ADARB2: variants seen among roughly 807,000 people sequenced by gnomAD.
ADARB2 encodes adenosine deaminase RNA specific B2 (inactive), also known as inactive double-stranded RNA-specific editase B2.
ADARB2 carries 25 observed loss-of-function variants against 62.2 expected under a neutral mutation model. The observed-to-expected ratio is 0.40, with a 90% CI of 0.29 to 0.56. ADARB2 has a LOEUF of 0.56. Ranked by LOEUF, ADARB2 falls within the 20% of genes least tolerant of loss-of-function variation. The pLI, the probability that ADARB2 is intolerant of heterozygous loss-of-function variation, is 0.43. For synonymous variants in ADARB2, 572 were observed against 500.8 expected (o/e 1.14, Z -1.90); for missense variants, 1,071 against 1,077.4 (o/e 0.99, Z 0.08).
intron 1 of ADARB2, among the ~76,000 whole-genome samples, chr10:1,644,778 A>T (rs1223166754): frequency 6.6e-6 from 1 of 152,206 alleles, no homozygotes; most frequent in African/African-American, 2.4e-5. Flanking sequence ...CGAATGAGAG[A>T]TTGCATTGGC....
At chr10:1,319,141 G>A (rs969099603) in intron 3 of ADARB2, among the ~76,000 whole-genome samples, 2 of 152,182 alleles carry the variant, frequency 1.3e-5, no homozygotes, top group African/African-American at 4.8e-5. Context: ...TGGGGCTGGT[G>A]TCTTAGGAAC....
At chr10:1,595,052 G>A (rs1564341867) in intron 1 of ADARB2, among the ~76,000 whole-genome samples, 1 of 152,190 alleles carries the variant, frequency 6.6e-6, no homozygotes, top group Non-Finnish European at 1.5e-5. Context: ...TGCCCGCCCA[G>A]CACAGACAAT....
chr10:1,552,015 T>C (rs1255227930), intron 1 of ADARB2, among the ~76,000 whole-genome samples: 1 of 151,528 alleles, frequency 6.6e-6, no homozygotes, highest in East Asian at 2.0e-4. Context: ...GGTGGCCTCC[T>C]GCGTGGAGGC....
chr10:1,586,163 T>G (rs1833178219), intron 1 of ADARB2, among the ~76,000 whole-genome samples: 1 of 152,076 alleles, frequency 6.6e-6, no homozygotes, highest in African/African-American at 2.4e-5. Context: ...CAAAATAAAT[T>G]TTCTAAATTG....
At chr10:1,191,793 T>G (rs1469068846) in intron 8 of ADARB2, among the ~76,000 whole-genome samples, 1 of 152,220 alleles carries the variant, frequency 6.6e-6, no homozygotes, top group Non-Finnish European at 1.5e-5. Flanking sequence ...ATCAGCCTGA[T>G]GAGATTGTGT....
intron 8 of ADARB2, 100 bp from the exon 9 acceptor site, chr10:1,185,139 GA>G (rs1836735052): frequency 7.2e-7 from 1 of 1,392,818 alleles, no homozygotes; most frequent in Non-Finnish European, 9.6e-7. Context: ...ATGTGAGTGG[GA>G]ATGGTCCTCC....
chr10:1,455,129 A>T (rs2676781), intron 1 of ADARB2, among the ~76,000 whole-genome samples: 11 of 152,320 alleles, frequency 7.2e-5, no homozygotes, highest in African/African-American at 2.4e-4. Flanking sequence ...TTACAGGCAA[A>T]GCCACATCCT....
chr10:1,557,658 C>G (rs1439634947), intron 1 of ADARB2, among the ~76,000 whole-genome samples: 6 of 152,174 alleles, frequency 3.9e-5, no homozygotes, highest in Non-Finnish European at 7.3e-5. Context: ...AATCCCAGCA[C>G]TTTGGGAGAC....
At chr10:1,644,938 T>G (rs1564356576) in intron 1 of ADARB2, among the ~76,000 whole-genome samples, 2 of 152,210 alleles carry the variant, frequency 1.3e-5, no homozygotes, top group African/African-American at 2.4e-5. Flanking sequence ...GTTTTAAGAG[T>G]GCGTGTCACG....
intron 1 of ADARB2, among the ~76,000 whole-genome samples, chr10:1,661,346 G>C (rs1439065666): frequency 6.6e-6 from 1 of 152,142 alleles, no homozygotes; most frequent in East Asian, 1.9e-4. Flanking sequence ...ACGGTTTCCT[G>C]AGTCACAGAT....
chr10:1,639,150 G>A (rs1833948730), intron 1 of ADARB2, among the ~76,000 whole-genome samples: 1 of 152,244 alleles, frequency 6.6e-6, no homozygotes, highest in South Asian at 2.1e-4. Context: ...CCATGGGCAT[G>A]AGTGCTCTCC....
At chr10:1,208,030 G>T (rs1837092575) in intron 7 of ADARB2, among the ~76,000 whole-genome samples, 1 of 152,192 alleles carries the variant, frequency 6.6e-6, no homozygotes, top group Non-Finnish European at 1.5e-5. Context: ...CCCATGCAGG[G>T]GCAGGGTTTG....
At chr10:1,697,511 CATTGAGAA>C (rs1471797374) in intron 1 of ADARB2, among the ~76,000 whole-genome samples, 7 of 152,092 alleles carry the variant, frequency 4.6e-5, no homozygotes, top group African/African-American at 1.7e-4. Context: ...ACTAGGAAGA[CATTGAGAA>C]AGTGAGAAAA....
rs1033424325 is a variant in ADARB2 at position 1,731,390 on chromosome 10, A to G, written c.100+5661T>C. On this transcript the variant is annotated intron_variant, in intron 1 of 9. Coordinates refer to ENST00000381312, the MANE Select transcript of ADARB2 (RefSeq NM_018702.4). Reference sequence around the variant, plus strand: ...TGTCTTGATACTAAGACAGTAACATATGCAAGCAGAGAGGAGTTCTGGCTC... The same window carrying G: ...TGTCTTGATACTAAGACAGTAACATGTGCAAGCAGAGAGGAGTTCTGGCTC... 3.3e-5 allele frequency among the ~76,000 whole-genome samples: 5 copies of G among 152,348 alleles called. No homozygotes were observed. In the East Asian group the frequency reaches 9.6e-4, roughly 29 times the overall value.
chr10:1,274,000 T>A (rs1025175087), intron 3 of ADARB2, among the ~76,000 whole-genome samples: 11 of 152,276 alleles, frequency 7.2e-5, no homozygotes, highest in African/African-American at 2.6e-4. Context: ...TCACCGGCCC[T>A]GCAGAGGGGA....
intron 1 of ADARB2, chr10:1,678,410 C>T (rs960591457): frequency 2.1e-5 from 18 of 871,578 alleles, no homozygotes; most frequent in South Asian, 1.1e-4. Flanking sequence ...TGAGCGTCTG[C>T]GCACCTTCCC....
At chr10:1,249,884 C>T in intron 4 of ADARB2, among the ~76,000 whole-genome samples, 1 of 151,672 alleles carries the variant, frequency 6.6e-6, no homozygotes, top group East Asian at 1.9e-4. Flanking sequence ...GAAAGCGTTC[C>T]AAGTTAATAT....
intron 1 of ADARB2, among the ~76,000 whole-genome samples, chr10:1,484,630 A>C (rs368649410): frequency 6.6e-6 from 1 of 152,216 alleles, no homozygotes; most frequent in Non-Finnish European, 1.5e-5. Context: ...GGGAAATGCT[A>C]TGGCAGCTAC....
chr10:1,737,282 C>T lies in ADARB2; in HGVS notation c.-132G>A, dbSNP rs1835314419. ...CCCGGGAGCGGCTCACTTTTCAGGA[C>T]TGAGCAGGAAAGCGCGCTCCGTCTC... On this transcript the variant is annotated 5_prime_UTR_variant, in exon 1 of 10. Transcript: ENST00000381312. 1 of 848,078 alleles carries T rather than the reference C, an allele frequency of 1.2e-6. No individual in the cohort carries two copies. The highest frequency in any genetic ancestry group is 2.6e-5 in the East Asian group (1 of 38,072). The allele number at this position is 848,078 out of a possible 1,614,324, so 52.5% of individuals were successfully genotyped here.
Sources: allele counts gnomAD v4.1 joint callset (sites outside exome capture counted in the v4.1 genomes callset), GRCh38; gene constraint gnomAD v4.1.1; transcripts MANE v1.5; gene names NCBI Gene and HGNC (gene_info 2026-07-23, HGNC 2026-07-21).